Variants in CHRM3 observed in about 807,000 individuals in gnomAD.
CHRM3 encodes muscarinic acetylcholine receptor M3.
A neutral mutation model predicts 41.8 loss-of-function variants in CHRM3; 11 were observed. That is an observed-to-expected ratio of 0.26 (90% CI 0.17 to 0.44). The LOEUF is 0.44. Among genes scored for constraint, CHRM3 ranks in the 20% least tolerant of loss-of-function variants. The pLI is 1.00. For synonymous variants in CHRM3, 297 were observed against 301.4 expected (o/e 0.99, Z 0.15); for missense variants, 571 against 745.4 (o/e 0.77, Z 2.72).
intron 5 of CHRM3, among the ~76,000 whole-genome samples, chr1:239,688,721 A>G (rs538223205): frequency 7.4e-6 from 1 of 135,152 alleles, no homozygotes; most frequent in African/African-American, 2.7e-5. Context: ...ACATTATTCA[A>G]TATAATATAT....
chr1:239,861,693 T>G (rs1358032980), intron 6 of CHRM3, among the ~76,000 whole-genome samples: 1 of 152,158 alleles, frequency 6.6e-6, no homozygotes, highest in East Asian at 1.9e-4. Context: ...AGTACTTCAC[T>G]GAGTTTCCAA....
At chr1:239,431,777 A>G (rs1662853037) in intron 1 of CHRM3, among the ~76,000 whole-genome samples, 1 of 152,204 alleles carries the variant, frequency 6.6e-6, no homozygotes, top group Non-Finnish European at 1.5e-5. Context: ...AGAAAATTTG[A>G]AATACTAATT....
intron 5 of CHRM3, among the ~76,000 whole-genome samples, chr1:239,814,347 C>T (rs974777857): frequency 2.0e-5 from 3 of 152,086 alleles, no homozygotes; most frequent in Admixed American, 1.3e-4. Context: ...AGCCTCCTCT[C>T]CTTACAGTGT....
chr1:239,498,344 C>T (rs1432236823), intron 2 of CHRM3, among the ~76,000 whole-genome samples: 2 of 152,068 alleles, frequency 1.3e-5, no homozygotes, highest in Non-Finnish European at 2.9e-5. Context: ...CACATGCACT[C>T]TTGGGTTTTA....
At chr1:239,744,230 TG>T (rs1558505429) in intron 5 of CHRM3, among the ~76,000 whole-genome samples, 1 of 152,146 alleles carries the variant, frequency 6.6e-6, no homozygotes, top group Non-Finnish European at 1.5e-5. Flanking sequence ...GTTTCAGAGA[TG>T]AACAAAAGTG....
chr1:239,648,705 C>CATGGAAAGA (rs1250305229), intron 4 of CHRM3, among the ~76,000 whole-genome samples: 1 of 152,124 alleles, frequency 6.6e-6, no homozygotes, highest in Non-Finnish European at 1.5e-5. Flanking sequence ...AGTGGATGAG[C>CATGGAAAGA]ATGGAAAGAA....
chr1:239,905,647 A>C (rs998964835), intron 6 of CHRM3, among the ~76,000 whole-genome samples: 1 of 152,198 alleles, frequency 6.6e-6, no homozygotes, highest in Admixed American at 6.5e-5. Flanking sequence ...CAGAGGCTGC[A>C]GTGAGCCAAG....
At chr1:239,659,404 C>T (rs1672993756) in intron 4 of CHRM3, among the ~76,000 whole-genome samples, 2 of 152,112 alleles carry the variant, frequency 1.3e-5, no homozygotes, top group Non-Finnish European at 2.9e-5. Flanking sequence ...TGTGTCTCTC[C>T]TCCAGCCACT....
At chr1:239,462,487 C>A (rs908058562) in intron 1 of CHRM3, among the ~76,000 whole-genome samples, 2 of 152,144 alleles carry the variant, frequency 1.3e-5, no homozygotes, top group Non-Finnish European at 2.9e-5. Context: ...TAATATAATG[C>A]ATCCCAGGGA....
intron 3 of CHRM3, among the ~76,000 whole-genome samples, chr1:239,557,698 C>T (rs970633162): frequency 2.6e-5 from 4 of 152,132 alleles, no homozygotes; most frequent in Admixed American, 6.5e-5. Flanking sequence ...CACGTGTTCT[C>T]ATTGTTCAGC....
intron 6 of CHRM3, among the ~76,000 whole-genome samples, chr1:239,832,003 A>G (rs1672932240): frequency 6.6e-6 from 1 of 152,204 alleles, no homozygotes; most frequent in Admixed American, 6.5e-5. Context: ...CTTTTGCCTC[A>G]GTTGTCATGC....
intron 3 of CHRM3, among the ~76,000 whole-genome samples, chr1:239,611,354 G>C (rs1667007533): frequency 6.7e-6 from 1 of 148,294 alleles, no homozygotes; most frequent in Admixed American, 6.7e-5. Context: ...ACTTTCAAAA[G>C]TATAATATTT....
intron 2 of CHRM3, among the ~76,000 whole-genome samples, chr1:239,503,312 A>T (rs1668362048): frequency 6.6e-6 from 1 of 152,136 alleles, no homozygotes; most frequent in African/African-American, 2.4e-5. Flanking sequence ...CTTTTACAAA[A>T]GCTGCAAAAA....
At chr1:239,526,161 C>T (rs1281928533) in intron 2 of CHRM3, among the ~76,000 whole-genome samples, 1 of 152,074 alleles carries the variant, frequency 6.6e-6, no homozygotes, top group African/African-American at 2.4e-5. Context: ...CAAACCCTTC[C>T]CTGGCCCTGA....
At chr1:239,556,465 C>CT (rs1447129694) in intron 3 of CHRM3, among the ~76,000 whole-genome samples, 4 of 152,046 alleles carry the variant, frequency 2.6e-5, no homozygotes, top group Non-Finnish European at 4.4e-5. Context: ...TTAAGTTGCC[C>CT]TTTTTTTCCA....
intron 6 of CHRM3, among the ~76,000 whole-genome samples, chr1:239,839,945 C>A (rs1673652577): frequency 6.6e-6 from 1 of 152,322 alleles, no homozygotes; most frequent in Admixed American, 6.5e-5. Context: ...TTGCCTGGTG[C>A]AGGCTGCATC....
chr1:239,602,108 G>GTGTC (rs1553337615), intron 3 of CHRM3, among the ~76,000 whole-genome samples: 8 of 129,408 alleles, frequency 6.2e-5, no homozygotes, highest in African/African-American at 2.7e-4. Context: ...GTGTGTGTGT[G>GTGTC]TGTATATATA....
intron 5 of CHRM3, among the ~76,000 whole-genome samples, chr1:239,737,907 C>A (rs1018467188): frequency 3.3e-5 from 5 of 151,934 alleles, no homozygotes; most frequent in Non-Finnish European, 7.4e-5. Context: ...AACAAACAAA[C>A]AAAAAATGCC....
At chr1:239,789,527 G>T (rs1463695658) in intron 5 of CHRM3, among the ~76,000 whole-genome samples, 1 of 152,168 alleles carries the variant, frequency 6.6e-6, no homozygotes, top group Non-Finnish European at 1.5e-5. Context: ...TCTGATGAGG[G>T]CCTCAGGCTG....
Sources: gnomAD v4.1 joint callset for allele counts (sites outside exome capture counted in the v4.1 genomes callset) on GRCh38, gnomAD v4.1.1 for gene constraint, MANE v1.5 for transcripts, NCBI Gene and HGNC (gene_info 2026-07-23, HGNC 2026-07-21) for gene names.